INTS3: variants seen among roughly 807,000 people sequenced by gnomAD.
INTS3 encodes the protein SOSS complex subunit A.
Under a neutral mutation model 146.3 loss-of-function variants are expected in INTS3, and 34 were observed. The observed-to-expected ratio is 0.23, with a 90% CI of 0.18 to 0.31. The LOEUF (loss-of-function observed/expected upper bound fraction) is 0.31, where lower values mean the gene tolerates loss of function less well. Ranked by LOEUF, INTS3 falls within the 10% of genes least tolerant of loss-of-function variation. INTS3 has a pLI of 1.00. For synonymous variants in INTS3, 475 were observed against 494.9 expected (o/e 0.96, Z 0.53); for missense variants, 757 against 1,304.2 (o/e 0.58, Z 6.46).
chr1:153,768,053 G>A (rs369250798), intron 21 of INTS3, among the ~76,000 whole-genome samples: 18 of 152,218 alleles, frequency 1.2e-4, no homozygotes, highest in Admixed American at 3.3e-4. Context: ...ACTGATGTGC[G>A]TTGGGGTCTG....
chr1:153,747,513 G>A, intron 5 of INTS3, 150 bp downstream of exon 5: 1 of 657,006 alleles, frequency 1.5e-6, no homozygotes, highest in Non-Finnish European at 2.7e-6. Flanking sequence ...GGCCACATAT[G>A]TTGTAGAAAT....
chr1:153,765,726 C>T (rs910889074), intron 20 of INTS3, among the ~76,000 whole-genome samples: 1 of 152,060 alleles, frequency 6.6e-6, no homozygotes, highest in Non-Finnish European at 1.5e-5. Context: ...CCCACCACCA[C>T]GCCCAGCTAA....
intron 3 of INTS3, among the ~76,000 whole-genome samples, chr1:153,743,895 AAAG>A (rs1671630078): frequency 1.3e-5 from 2 of 151,892 alleles, no homozygotes; most frequent in South Asian, 4.1e-4. Flanking sequence ...GCAGCTCTAG[AAAG>A]AAGCTTGGGG....
intron 5 of INTS3, chr1:153,747,606 A>G (rs1671797780): frequency 3.6e-6 from 2 of 560,490 alleles, no homozygotes. Context: ...AGGGCTTGAC[A>G]GAATATTTGG....
At chr1:153,731,087 G>A (rs1671042273) in intron 1 of INTS3, among the ~76,000 whole-genome samples, 1 of 152,002 alleles carries the variant, frequency 6.6e-6, no homozygotes, top group East Asian at 1.9e-4. Flanking sequence ...CTGTGTGCTG[G>A]GTCTGATAGG....
chr1:153,751,050 T>G (rs374863061), intron 6 of INTS3, 45 bp from the exon 7 acceptor site: 2 of 1,569,214 alleles, frequency 1.3e-6, no homozygotes, highest in Non-Finnish European at 1.7e-6. Context: ...GGAGGGTGAA[T>G]AGTTCTAGAC....
chr1:153,767,854 CG>C, intron 21 of INTS3, 27 bp downstream of exon 21: 4 of 1,574,682 alleles, frequency 2.5e-6, no homozygotes, highest in Non-Finnish European at 2.6e-6. Flanking sequence ...GTATCTGTGC[CG>C]GGGGGCTCAC....
At position 153,757,387 on chromosome 1, in the gene INTS3, A is replaced by AT. The variant is rs113019058; in HGVS notation, c.958-175dup. ...GCAGGGCAAGCTAGAAATTTTCAGC[A>AT]TTTTTTTTTTAATCAAGAAGTTCTC... On this transcript the variant is annotated intron_variant, in intron 9 of 29. Coordinates refer to ENST00000318967, the MANE Select transcript of INTS3 (RefSeq NM_023015.5). This position sits in a 1 kb window ranked among gnomAD's most constrained non-coding sequence, Gnocchi z 4.0. 4.0e-3 allele frequency among the ~76,000 whole-genome samples: 605 copies of AT among 150,080 alleles called. 1 individual carries two copies. Among genetic ancestry groups the AT allele is most frequent in the African/African-American group, 0.013 (542 of 41,030 alleles).
chr1:153,747,088 A>G lies in INTS3; in HGVS notation c.432+18A>G. 1 of 1,557,082 alleles carries G rather than the reference A, an allele frequency of 6.4e-7. No homozygotes were observed. The highest frequency in any genetic ancestry group is 8.9e-7 in the Non-Finnish European group (1 of 1,128,588). On this transcript the variant is annotated intron_variant, in intron 4 of 29. Transcript: ENST00000318967. The stretch of plus-strand genomic sequence containing the variant: ...GTACTCAGGTAAGGCCAGAAAGAAA[A>G]GACAAGATCCAGCTCAAAGAGAGAG...
chr1:153,733,697 C>T (rs942448770), intron 1 of INTS3, among the ~76,000 whole-genome samples: 2 of 148,672 alleles, frequency 1.3e-5, no homozygotes, highest in East Asian at 2.1e-4. Context: ...CTTCGCCTCC[C>T]GGGTTCAAGC....
intron 16 of INTS3, 76 bp downstream of exon 16, chr1:153,763,438 G>A (rs1672464185): frequency 1.3e-6 from 2 of 1,513,704 alleles, no homozygotes; most frequent in South Asian, 2.3e-5. Context: ...GGGTATAGCA[G>A]GAGATGGGGG....
intron 1 of INTS3, among the ~76,000 whole-genome samples, chr1:153,737,786 A>C (rs1231190318): frequency 1.3e-5 from 2 of 152,158 alleles, no homozygotes; most frequent in African/African-American, 4.8e-5. Context: ...GACGTGAGCC[A>C]CTGTGCCCGA....
chr1:153,741,175 A>G, intron 2 of INTS3, 110 bp from the exon 3 acceptor site: 1 of 786,186 alleles, frequency 1.3e-6, no homozygotes, highest in Admixed American at 2.1e-5. Context: ...AAAGTTGATT[A>G]TTCTCCTTTG....
chr1:153,755,760 C>T (rs1185954452), intron 9 of INTS3, among the ~76,000 whole-genome samples: 2 of 152,062 alleles, frequency 1.3e-5, no homozygotes, highest in Non-Finnish European at 2.9e-5. Context: ...AATTCTTGGC[C>T]GGACGCAGTG....
intron 20 of INTS3, among the ~76,000 whole-genome samples, chr1:153,766,153 G>A (rs1220014087): frequency 6.8e-5 from 8 of 118,434 alleles, no homozygotes; most frequent in African/African-American, 1.7e-4. Flanking sequence ...ACAGAGTCTC[G>A]CTGTGTCGCC....
chr1:153,748,519 A>C (rs1557996406), intron 5 of INTS3, 170 bp from the exon 6 acceptor site: 1 of 681,176 alleles, frequency 1.5e-6, no homozygotes. Context: ...TCTGGAGGCA[A>C]AGGGTGAAAC....
chr1:153,757,468 A>C lies in INTS3; in HGVS notation c.958-104A>C. 1 of 880,344 alleles carries C rather than the reference A, an allele frequency of 1.1e-6. No individual in the cohort carries two copies. Among genetic ancestry groups the C allele is most frequent in the Non-Finnish European group, 1.8e-6 (1 of 558,430 alleles). 54.5% of individuals were successfully genotyped at this position (880,344 alleles called of 1,614,324 possible). A position where few individuals can be genotyped will look rare whatever the true frequency, so the allele number is the denominator to read the frequency against. ...GAGCTAATGAATGAATTGTGGAGAA[A>C]TAGAGGTCTAGGGCAAACCTAGAGT... On this transcript the variant is annotated intron_variant, in intron 9 of 29. Transcript: ENST00000318967. The surrounding 1 kb of genome is among the most constrained non-coding windows in gnomAD (Gnocchi z 4.0).
In INTS3 at chr1:153,754,654, T is replaced by C; in HGVS notation, c.872T>C (p.Leu291Pro). 3 of 1,609,980 alleles carry C rather than the reference T, an allele frequency of 1.9e-6. No homozygotes were observed. Among genetic ancestry groups the C allele is most frequent in the Non-Finnish European group, 2.6e-6 (3 of 1,176,160 alleles). ...ACATTTGATTCAGGTATCCTACAGCTTCTTCAGTCAAGAACATCCCGAAAA... is the reference window on the plus strand; with the variant it reads ...ACATTTGATTCAGGTATCCTACAGCCTCTTCAGTCAAGAACATCCCGAAAA... ...LSPQFTGILQ[L>P]LQSRTSRKFL... The change falls in exon 9 of 30, where the codon CTT becomes CCT. Residue 291 changes from leucine to proline, a missense_variant. Transcript: ENST00000318967.
In INTS3 at chr1:153,728,554, C is replaced by A; in HGVS notation, c.-81C>A. The stretch of plus-strand genomic sequence containing the variant: ...CAACTTGTTCCTCTTGCCCCCCAGT[C>A]CCTGGCAATCCAGAGATCCCGATAT... On this transcript the variant is annotated 5_prime_UTR_variant, in exon 1 of 30. Transcript: ENST00000318967. 6.7e-7 allele frequency: 1 copy of A among 1,490,610 alleles called. No individual in the cohort carries two copies. The highest frequency in any genetic ancestry group is 1.3e-5 in the South Asian group (1 of 75,164). The allele number at this position is 1,490,610 out of a possible 1,614,324, so 92.3% of individuals were successfully genotyped here.
Sources: gnomAD v4.1 joint callset for allele counts (sites outside exome capture counted in the v4.1 genomes callset) on GRCh38, gnomAD v4.1.1 for gene constraint, Gnocchi (gnomAD v3.1) non-coding constraint, MANE v1.5 for transcripts, NCBI Gene and HGNC (gene_info 2026-07-23, HGNC 2026-07-21) for gene names.